ADARB2: variants seen among roughly 807,000 people sequenced by gnomAD.
ADARB2 encodes adenosine deaminase RNA specific B2 (inactive), also known as inactive double-stranded RNA-specific editase B2.
A neutral mutation model predicts 62.2 loss-of-function variants in ADARB2; 25 were observed. The ratio of observed to expected loss-of-function variants is 0.40; its 90% CI spans 0.29 to 0.56. ADARB2 has a LOEUF of 0.56. Among genes scored for constraint, ADARB2 ranks in the 20% least tolerant of loss-of-function variants. The pLI is 0.43. For synonymous variants in ADARB2, 572 were observed against 500.8 expected, an observed-to-expected ratio of 1.14 and a Z score of -1.90; for missense variants, 1,071 against 1,077.4, an observed-to-expected ratio of 0.99 and a Z score of 0.08.
At chr10:1,329,642 G>C (rs1269680914) in intron 3 of ADARB2, among the ~76,000 whole-genome samples, 2 of 152,274 alleles carry the variant, frequency 1.3e-5, no homozygotes, top group East Asian at 1.9e-4. Flanking sequence ...TGGTCTAGAG[G>C]GTTCATTAAT....
chr10:1,185,096 C>T (rs1162869941), intron 8 of ADARB2, 57 bp from the exon 9 acceptor site: 7 of 1,559,558 alleles, frequency 4.5e-6, no homozygotes, highest in Non-Finnish European at 6.1e-6. Context: ...CACGGGGCTC[C>T]CCCAAGGGCA....
intron 1 of ADARB2, among the ~76,000 whole-genome samples, chr10:1,476,765 G>A (rs895841878): frequency 2.6e-5 from 4 of 152,136 alleles, no homozygotes; most frequent in Non-Finnish European, 5.9e-5. Context: ...AGGCAGAGGC[G>A]TCCCCGTGCA....
chr10:1,414,163 C>T (rs1448371633), intron 1 of ADARB2, among the ~76,000 whole-genome samples: 1 of 152,236 alleles, frequency 6.6e-6, no homozygotes, highest in Non-Finnish European at 1.5e-5. Context: ...AACCTACCCC[C>T]AACCCAGGCT....
chr10:1,479,485 G>T lies in ADARB2; in HGVS notation c.101-100325C>A, dbSNP rs193284372. 6.0e-3 allele frequency among the ~76,000 whole-genome samples: 919 copies of T among 152,282 alleles called. 2 individuals carry two copies. Among genetic ancestry groups the T allele is most frequent in the Non-Finnish European group, 8.0e-3 (546 of 68,036 alleles). On this transcript the variant is annotated intron_variant, in intron 1 of 9. Coordinates refer to ENST00000381312, the MANE Select transcript of ADARB2 (RefSeq NM_018702.4). The stretch of plus-strand genomic sequence containing the variant: ...TGGTAGAGCAGCTTGGAGTAGAGTA[G>T]GTAGGATCTCACAGCCTAGCTTTTG...
intron 1 of ADARB2, among the ~76,000 whole-genome samples, chr10:1,639,223 C>T (rs995183188): frequency 2.6e-5 from 4 of 152,106 alleles, no homozygotes; most frequent in Non-Finnish European, 4.4e-5. Flanking sequence ...GGAAGCTGAC[C>T]GCATCCAGGA....
chr10:1,659,227 G>A (rs912842702), intron 1 of ADARB2, among the ~76,000 whole-genome samples: 2 of 152,136 alleles, frequency 1.3e-5, no homozygotes, highest in Non-Finnish European at 2.9e-5. Context: ...AAAATAGATT[G>A]CCTATTGCAC....
At position 1,566,063 on chromosome 10, in the gene ADARB2, C is replaced by CAAAAAAA. The variant is rs376967105; in HGVS notation, c.100+170981_100+170987dup. Among the ~76,000 whole-genome samples the CAAAAAAA allele has an allele frequency of 1.7e-4, 22 of 128,038 alleles. 2 individuals carry two copies. The highest frequency in any genetic ancestry group is 6.4e-4 in the East Asian group (3 of 4,698). 84.0% of individuals were successfully genotyped at this position (128,038 alleles called of 152,430 possible). ...CTCCTCTAGGTTGAGCTCAGTCTAG[C>CAAAAAAA]AAAAAAAAAAAAAAAAAAAAAAAAA... On this transcript the variant is annotated intron_variant, in intron 1 of 9. Transcript: ENST00000381312.
intron 1 of ADARB2, among the ~76,000 whole-genome samples, chr10:1,519,009 T>A (rs1004203705): frequency 1.3e-5 from 2 of 152,030 alleles, no homozygotes; most frequent in Non-Finnish European, 2.9e-5. Flanking sequence ...CCATGTAACG[T>A]CTGCACATGG....
chr10:1,317,889 A>G (rs947180214), intron 3 of ADARB2, among the ~76,000 whole-genome samples: 2 of 151,850 alleles, frequency 1.3e-5, no homozygotes, highest in Non-Finnish European at 2.9e-5. Context: ...TGAGCTTGGT[A>G]CCCATCCCGT....
At chr10:1,323,773 G>A (rs144942054) in intron 3 of ADARB2, among the ~76,000 whole-genome samples, 166 of 152,106 alleles carry the variant, frequency 1.1e-3, no homozygotes, top group African/African-American at 3.7e-3. Context: ...ACTCAAAGTA[G>A]ACCACAGACG....
chr10:1,340,138 T>C (rs74331607), intron 3 of ADARB2, among the ~76,000 whole-genome samples: 5,590 of 26,744 alleles, frequency 0.21, 94 homozygotes, highest in African/African-American at 0.26. Flanking sequence ...CGCCCCACAG[T>C]GGCAATAACC....
At chr10:1,512,755 C>G (rs111551217) in intron 1 of ADARB2, among the ~76,000 whole-genome samples, 1 of 152,180 alleles carries the variant, frequency 6.6e-6, no homozygotes, top group Non-Finnish European at 1.5e-5. Flanking sequence ...TGTTTGTCCC[C>G]CAGGGATGTG....
chr10:1,364,820 A>T (rs1399574641), intron 2 of ADARB2, among the ~76,000 whole-genome samples: 1 of 150,732 alleles, frequency 6.6e-6, no homozygotes, highest in African/African-American at 2.4e-5. Context: ...CTATCAGCCC[A>T]CTGATCCCAC....
chr10:1,536,533 T>C (rs2813461), intron 1 of ADARB2, among the ~76,000 whole-genome samples: 89,941 of 152,176 alleles, frequency 0.59, 26,813 homozygotes, highest in East Asian at 0.76. Context: ...GTCTCCACGT[T>C]CCACTTCACA....
intron 1 of ADARB2, among the ~76,000 whole-genome samples, chr10:1,565,965 G>A (rs141404229): frequency 0.015 from 2,211 of 151,152 alleles, 25 homozygotes; most frequent in Middle Eastern, 0.035. Context: ...AGCCAGGATT[G>A]CAGAGCCCTC....
At chr10:1,572,082 AGT>A (rs1246459689) in intron 1 of ADARB2, among the ~76,000 whole-genome samples, 1 of 134,310 alleles carries the variant, frequency 7.4e-6, no homozygotes. Context: ...TGGACAGGTG[AGT>A]GTGCTGGTGA....
At chr10:1,679,299 GATAA>G (rs1438089434) in intron 1 of ADARB2, among the ~76,000 whole-genome samples, 2 of 152,130 alleles carry the variant, frequency 1.3e-5, no homozygotes, top group Non-Finnish European at 2.9e-5. Context: ...TGGTTTGGGT[GATAA>G]ATAATGTGGG....
intron 5 of ADARB2, among the ~76,000 whole-genome samples, chr10:1,238,689 G>C (rs1448449348): frequency 0.023 from 1 of 44 alleles, no homozygotes; most frequent in Non-Finnish European, 0.033. Context: ...ACTCCCCCCT[G>C]CCTCCCGGTG....
rs141740493 is a variant in ADARB2 at position 1,651,756 on chromosome 10, C to T, written c.100+85295G>A. ...TGGTGGGCGTGACTCTCGGGGGGAG[C>T]GGGGGCTGCCTGCTTATGGGTGCTG... On this transcript the variant is annotated intron_variant, in intron 1 of 9. Coordinates refer to ENST00000381312, the MANE Select transcript of ADARB2 (RefSeq NM_018702.4). Among the ~76,000 whole-genome samples, 1,209 of 151,824 alleles carry T rather than the reference C, an allele frequency of 8.0e-3. 5 individuals are homozygous for T. Among genetic ancestry groups the T allele is most frequent in the Middle Eastern group, 0.037 (11 of 294 alleles).
Sources: gnomAD v4.1 joint callset for allele counts (sites outside exome capture counted in the v4.1 genomes callset) on GRCh38, gnomAD v4.1.1 for gene constraint, MANE v1.5 for transcripts, NCBI Gene and HGNC (gene_info 2026-07-23, HGNC 2026-07-21) for gene names.